OOSP4B: variants seen among roughly 807,000 people sequenced by gnomAD.
The protein encoded by OOSP4B is oocyte-secreted protein 4B.
chr11:60,028,476 G>A (rs934523679), intron 3 of OOSP4B, among the ~76,000 whole-genome samples: 1 of 152,080 alleles, frequency 6.6e-6, no homozygotes, highest in African/African-American at 2.4e-5. Context: ...TGTAATCACT[G>A]CTTTTATGCA....
exon 4 of OOSP4B, chr11:60,029,803 G>C: frequency 2.5e-6 from 1 of 398,336 alleles, no homozygotes. Flanking sequence ...CCTCTGTGAT[G>C]CATTTTGGAA....
intron 1 of OOSP4B, among the ~76,000 whole-genome samples, chr11:60,019,246 C>T (rs1371609635): frequency 6.6e-6 from 1 of 151,886 alleles, no homozygotes; most frequent in African/African-American, 2.4e-5. Flanking sequence ...AAAAAAATAA[C>T]CTAGTGCCTG....
chr11:60,019,394 C>T (rs2083621), intron 1 of OOSP4B: 36,492 of 177,736 alleles, frequency 0.21, 4,480 homozygotes, highest in Admixed American at 0.38. Flanking sequence ...CATGTGTGTC[C>T]GGAATTGGTG....
chr11:60,027,855 G>A (rs1203145437), intron 3 of OOSP4B, among the ~76,000 whole-genome samples: 4 of 151,260 alleles, frequency 2.6e-5, no homozygotes, highest in Admixed American at 1.3e-4. Context: ...CAGGAGAATC[G>A]CTTGAACCTG....
intron 1 of OOSP4B, among the ~76,000 whole-genome samples, chr11:60,020,953 A>AT (rs1854685343): frequency 6.6e-6 from 1 of 152,178 alleles, no homozygotes; most frequent in South Asian, 2.1e-4. Context: ...CTACCAATCT[A>AT]TTTTTTATGG....
chr11:60,019,955 C>T (rs1854671927), intron 1 of OOSP4B, among the ~76,000 whole-genome samples: 2 of 151,988 alleles, frequency 1.3e-5, no homozygotes, highest in South Asian at 4.2e-4. Context: ...CTCCACATGC[C>T]CACTAGATTA....
exon 5 of OOSP4B, chr11:60,030,978 G>T: frequency 2.5e-6 from 1 of 394,722 alleles, no homozygotes; most frequent in Non-Finnish European, 4.5e-6. Flanking sequence ...ACATTTTGGA[G>T]TTTTGAATAA....
intron 3 of OOSP4B, among the ~76,000 whole-genome samples, chr11:60,028,508 T>A (rs529162920): frequency 2.0e-5 from 3 of 152,310 alleles, no homozygotes; most frequent in African/African-American, 7.2e-5. Flanking sequence ...TCCTCAATGT[T>A]TGACATCATC....
At chr11:60,021,329 T>C (rs2134623624) in intron 1 of OOSP4B, 1 of 152,320 alleles carries the variant, frequency 6.6e-6, no homozygotes, top group East Asian at 1.9e-4. Context: ...AGTAAGGCTA[T>C]AAACAAATTA....
At chr11:60,018,863 T>TCACA (rs1854653222) in intron 1 of OOSP4B, among the ~76,000 whole-genome samples, 1 of 152,136 alleles carries the variant, frequency 6.6e-6, no homozygotes, top group Non-Finnish European at 1.5e-5. Context: ...GAGAACTAAG[T>TCACA]GTACTTTAGT....
chr11:60,024,546 T>C (rs1425153525), intron 2 of OOSP4B, among the ~76,000 whole-genome samples: 1 of 152,178 alleles, frequency 6.6e-6, no homozygotes, highest in African/African-American at 2.4e-5. Flanking sequence ...CTCAAAGTCA[T>C]AAGGTACGGT....
chr11:60,021,310 A>G (rs1475750074), intron 1 of OOSP4B, among the ~76,000 whole-genome samples: 2 of 152,192 alleles, frequency 1.3e-5, no homozygotes, highest in African/African-American at 4.8e-5. Context: ...TGTGGACCAG[A>G]CTTTGATTAG....
chr11:60,028,762 CTT>C (rs971109332), intron 3 of OOSP4B, among the ~76,000 whole-genome samples: 3 of 152,150 alleles, frequency 2.0e-5, no homozygotes, highest in African/African-American at 7.2e-5. Flanking sequence ...GAAAATATCT[CTT>C]TGCTGAAATT....
At chr11:60,024,144 T>C in intron 2 of OOSP4B, 83 bp downstream of exon 2, 1 of 397,728 alleles carries the variant, frequency 2.5e-6, no homozygotes, top group Non-Finnish European at 4.4e-6. Context: ...CCTTCCTAAT[T>C]AAAATTTTCA....
At chr11:60,025,494 T>C (rs1854739085) in intron 3 of OOSP4B, among the ~76,000 whole-genome samples, 1 of 152,214 alleles carries the variant, frequency 6.6e-6, no homozygotes, top group African/African-American at 2.4e-5. Context: ...CTCACTGTTC[T>C]TGTCTCTTCT....
chr11:60,022,941 G>T (rs1854708969), intron 1 of OOSP4B, among the ~76,000 whole-genome samples: 1 of 152,150 alleles, frequency 6.6e-6, no homozygotes. Flanking sequence ...ACTGAGGATG[G>T]ATGGATGGAG....
chr11:60,024,569 A>T (rs1489701694), intron 2 of OOSP4B, among the ~76,000 whole-genome samples: 1 of 152,188 alleles, frequency 6.6e-6, no homozygotes, highest in Non-Finnish European at 1.5e-5. Flanking sequence ...GTGCCTTCTC[A>T]GTTTTACTAC....
rs547871990 is a variant in OOSP4B at position 60,020,776 on chromosome 11, C to T, written c.23-3104C>T. ...GAGGGCTGCCAGCACGCTGTCACCT[C>T]TCACATGCTTGTAGTTCCAGCTACT... On this transcript the variant is annotated intron_variant, in intron 1 of 4. Transcript: ENST00000642343. Among the ~76,000 whole-genome samples, 5 of 152,348 alleles carry T rather than the reference C, an allele frequency of 3.3e-5. No homozygotes were observed. The South Asian group carries it at 1.0e-3, about 32-fold the overall frequency.
chr11:60,029,698 G>A (rs1854785707), intron 3 of OOSP4B, 84 bp from the exon 4 acceptor site: 2 of 396,416 alleles, frequency 5.0e-6, no homozygotes, highest in African/African-American at 2.1e-5. Flanking sequence ...CACTTATAAC[G>A]AACCTATCTA....
Sources: gnomAD v4.1 joint callset for allele counts (sites outside exome capture counted in the v4.1 genomes callset) on GRCh38, gnomAD v4.1.1 for gene constraint, MANE v1.5 for transcripts, NCBI Gene and HGNC (gene_info 2026-07-23, HGNC 2026-07-21) for gene names.